The following WDR35 variants were observed in gnomAD, a reference collection of about 807,000 sequenced individuals.
The protein encoded by WDR35 is WD repeat domain 35, also known as WD repeat-containing protein 35.
WDR35 carries 118 observed loss-of-function variants against 158.3 expected under a neutral mutation model. The ratio of observed to expected loss-of-function variants is 0.75; its 90% CI spans 0.64 to 0.87. WDR35 has a LOEUF of 0.87. Among genes scored for constraint, WDR35 ranks in the 40% least tolerant of loss-of-function variants. The probability of loss-of-function intolerance (pLI) is 0.00; values close to 1 mark genes in which losing one functional copy is unlikely to be tolerated. For synonymous variants in WDR35, 448 were observed against 476.1 expected (o/e 0.94, Z 0.77); for missense variants, 1,263 against 1,405.8 (o/e 0.90, Z 1.62).
chr2:19,944,598 CCCTTG>C (rs1670988562), intron 16 of WDR35, among the ~76,000 whole-genome samples: 1 of 152,134 alleles, frequency 6.6e-6, no homozygotes, highest in African/African-American at 2.4e-5. Flanking sequence ...TTCCCTTGGA[CCCTTG>C]AAAGAAGCCC....
At chr2:19,975,421 TTTAA>T in intron 6 of WDR35, 105 bp downstream of exon 6, 6 of 1,251,292 alleles carry the variant, frequency 4.8e-6, no homozygotes, top group Non-Finnish European at 6.4e-6. Flanking sequence ...AATTGAAGAC[TTTAA>T]TTACACAAAC....
At chr2:19,974,761 C>G in intron 6 of WDR35, 128 bp from the exon 7 acceptor site, 2 of 852,000 alleles carry the variant, frequency 2.3e-6, no homozygotes, top group Admixed American at 5.8e-5. Flanking sequence ...CAAATTAAAG[C>G]TTAATCACTT....
intron 25 of WDR35, among the ~76,000 whole-genome samples, chr2:19,921,452 A>C (rs978449095): frequency 5.9e-5 from 9 of 152,210 alleles, no homozygotes; most frequent in African/African-American, 2.2e-4. Context: ...ATCTTTGAGA[A>C]ACCTGACAAA....
At chr2:19,964,099 C>G (rs2103440742) in intron 10 of WDR35, among the ~76,000 whole-genome samples, 1 of 152,250 alleles carries the variant, frequency 6.6e-6, no homozygotes, top group South Asian at 2.1e-4. Flanking sequence ...AGGCAATTCT[C>G]CAAACCATTG....
intron 14 of WDR35, among the ~76,000 whole-genome samples, chr2:19,947,203 C>A (rs1176009053): frequency 1.3e-5 from 2 of 152,200 alleles, no homozygotes; most frequent in African/African-American, 4.8e-5. Flanking sequence ...GGGTTTCAAA[C>A]CCTTGGCTGC....
chr2:19,978,161 T>C (rs1672268141), intron 5 of WDR35, among the ~76,000 whole-genome samples: 1 of 151,510 alleles, frequency 6.6e-6, no homozygotes. Context: ...TCAGAAACAT[T>C]TGTTGACTAC....
rs201836442 is a variant in WDR35 at position 19,931,347 on chromosome 2, C to T, written c.2886G>A (p.Leu962=). 16 of 1,613,380 alleles carry T rather than the reference C, an allele frequency of 9.9e-6. No homozygotes were observed. The highest frequency in any genetic ancestry group is 1.4e-5 in the Non-Finnish European group (16 of 1,179,704). ...KPLRVKKLYV[L]SALLIEQYHE... is the part of the protein sequence containing the mutation. ...GGTATTGCTCTATAAGTAAGGCTGA[C>T]AGTACATAGAGCTTCTTGACACGTA... The change falls in exon 24 of 27, where the codon CTG becomes CTA. Residue 962 remains leucine (L), a synonymous_variant. Coordinates refer to ENST00000281405, the MANE Select transcript of WDR35 (RefSeq NM_020779.4).
At chr2:19,916,755 T>C (rs1332550226) in intron 25 of WDR35, among the ~76,000 whole-genome samples, 1 of 152,056 alleles carries the variant, frequency 6.6e-6, no homozygotes, top group African/African-American at 2.4e-5. Context: ...AACTTCCACC[T>C]CCCTGGGACA....
chr2:19,914,687 AAAGCAAAACAATAT>A (rs1414479184), intron 25 of WDR35, among the ~76,000 whole-genome samples: 1 of 152,254 alleles, frequency 6.6e-6, no homozygotes, highest in African/African-American at 2.4e-5. Context: ...TGTTAAAAAA[AAAGCAAAACAATAT>A]AAGCAAAACA....
chr2:19,960,423 C>G, intron 11 of WDR35, 131 bp downstream of exon 11: 1 of 719,812 alleles, frequency 1.4e-6, no homozygotes, highest in South Asian at 1.8e-5. Context: ...CTGGATCTGA[C>G]AAAGTAGGAA....
chr2:19,956,765 C>A (rs966739813), intron 11 of WDR35, among the ~76,000 whole-genome samples: 1 of 151,620 alleles, frequency 6.6e-6, no homozygotes, highest in African/African-American at 2.4e-5. Flanking sequence ...GGACTACAGG[C>A]GCGCGCCACC....
intron 5 of WDR35, among the ~76,000 whole-genome samples, chr2:19,976,987 T>C (rs1189558428): frequency 6.6e-6 from 1 of 151,878 alleles, no homozygotes; most frequent in Non-Finnish European, 1.5e-5. Flanking sequence ...GCCCAGATAA[T>C]TTGTTTTGTT....
intron 9 of WDR35, among the ~76,000 whole-genome samples, chr2:19,968,950 C>G (rs1671942928): frequency 6.6e-6 from 1 of 152,218 alleles, no homozygotes; most frequent in Non-Finnish European, 1.5e-5. Flanking sequence ...CCATCTGGCT[C>G]CCCTTTGGGT....
intron 25 of WDR35, among the ~76,000 whole-genome samples, chr2:19,920,449 C>A (rs1360308345): frequency 6.6e-6 from 1 of 152,172 alleles, no homozygotes; most frequent in Admixed American, 6.5e-5. Flanking sequence ...TAAATATAAT[C>A]CACCACATAA....
rs374027943 is a variant in WDR35, at chr2:19,935,572, G to T, written c.2446C>A (p.Arg816=). ...CATTCAGCTAAGCGTTCCTGGTTCCGTCCTTGTACATAATATTGTACAGCA... is the reference window on the plus strand; with the variant it reads ...CATTCAGCTAAGCGTTCCTGGTTCCTTCCTTGTACATAATATTGTACAGCA... ...LNAVQYYVQG[R]NQERLAECYY... The change falls in exon 21 of 27, where the codon CGG becomes AGG. Residue 816 remains arginine (R), a synonymous_variant. Coordinates refer to ENST00000281405, the MANE Select transcript of WDR35 (RefSeq NM_020779.4). 2 of 1,612,586 alleles carry T rather than the reference G, an allele frequency of 1.2e-6. No individual in the cohort carries two copies. Among genetic ancestry groups the T allele is most frequent in the Non-Finnish European group, 1.7e-6 (2 of 1,179,586 alleles).
rs150058273 is a variant in WDR35, at chr2:19,944,750, C to G, written c.1845+1036G>C. Among the ~76,000 whole-genome samples, 96 of 152,122 alleles carry G rather than the reference C, an allele frequency of 6.3e-4. No individual in the cohort carries two copies. In the South Asian group the frequency reaches 0.016, roughly 25 times the overall value. On this transcript the variant is annotated intron_variant, in intron 16 of 26. Transcript: ENST00000281405. ...CCTTTGAGAGCACTTTACATCAGGG[C>G]ATTTTACATCCAAAATTCCTGAGTA...
chr2:19,931,445 TTATCTA>T, intron 23 of WDR35, 36 bp from the exon 24 acceptor site: 1 of 1,608,430 alleles, frequency 6.2e-7, no homozygotes, highest in Middle Eastern at 1.7e-4. Flanking sequence ...AAGTTACTTC[TTATCTA>T]TATTTGTACA....
intron 10 of WDR35, among the ~76,000 whole-genome samples, chr2:19,966,024 T>C (rs960129345): frequency 3.3e-5 from 5 of 152,210 alleles, no homozygotes; most frequent in African/African-American, 1.2e-4. Flanking sequence ...TTTCCCTTTC[T>C]GGTCCCTATG....
At chr2:19,964,340 C>G (rs560489868) in intron 10 of WDR35, among the ~76,000 whole-genome samples, 2 of 150,314 alleles carry the variant, frequency 1.3e-5, no homozygotes, top group Admixed American at 1.3e-4. Flanking sequence ...GTATATTTTG[C>G]CTGTTCACTC....
Sources: allele counts gnomAD v4.1 joint callset (sites outside exome capture counted in the v4.1 genomes callset), GRCh38; gene constraint gnomAD v4.1.1; transcripts MANE v1.5; gene names NCBI Gene and HGNC (gene_info 2026-07-23, HGNC 2026-07-21).